PDE3B: variants seen among roughly 807,000 people sequenced by gnomAD.
The protein encoded by PDE3B is cGMP-inhibited 3',5'-cyclic phosphodiesterase 3B.
In PDE3B, 66 loss-of-function variants were observed where a neutral mutation model predicts 116.8. That is an observed-to-expected ratio of 0.56 (90% confidence interval 0.46 to 0.69). The LOEUF is 0.69. Among genes scored for constraint, PDE3B ranks in the 30% least tolerant of loss-of-function variants. The pLI is 0.00. For synonymous variants in PDE3B, 595 were observed against 533.6 expected, an observed-to-expected ratio of 1.12 and a Z score of -1.59; for missense variants, 1,384 against 1,368.1, an observed-to-expected ratio of 1.01 and a Z score of -0.18.
At chr11:14,785,859 T>A (rs1858173789) in intron 2 of PDE3B, among the ~76,000 whole-genome samples, 1 of 152,088 alleles carries the variant, frequency 6.6e-6, no homozygotes, top group African/African-American at 2.4e-5. Context: ...TCCATAATAT[T>A]AATAGTAATA....
chr11:14,646,319 C>T (rs1314921582), intron 1 of PDE3B, among the ~76,000 whole-genome samples: 2 of 152,148 alleles, frequency 1.3e-5, no homozygotes, highest in Non-Finnish European at 2.9e-5. Flanking sequence ...GGTTTTATGA[C>T]GTGTTGAACA....
At chr11:14,716,046 C>A in intron 1 of PDE3B, among the ~76,000 whole-genome samples, 1 of 152,142 alleles carries the variant, frequency 6.6e-6, no homozygotes, top group Non-Finnish European at 1.5e-5. Context: ...ACAGTGGGCG[C>A]AGGCCAGTGG....
chr11:14,701,137 C>T (rs568637847), intron 1 of PDE3B, among the ~76,000 whole-genome samples: 2 of 151,514 alleles, frequency 1.3e-5, no homozygotes, highest in African/African-American at 2.4e-5. Context: ...TAATCTTCCC[C>T]CACAAATTTT....
At chr11:14,796,251 A>G (rs1463492442) in intron 4 of PDE3B, among the ~76,000 whole-genome samples, 1 of 152,160 alleles carries the variant, frequency 6.6e-6, no homozygotes, top group Non-Finnish European at 1.5e-5. Context: ...TGTATGTGCC[A>G]CATTTTCTTT....
chr11:14,873,739 A>T (rs1555009397), downstream of PDE3B, among the ~76,000 whole-genome samples: 1 of 152,226 alleles, frequency 6.6e-6, no homozygotes, highest in African/African-American at 2.4e-5. Context: ...TTGGAAGTCT[A>T]CTTTGAGTAT....
rs536252949 is a variant in PDE3B at position 14,861,663 on chromosome 11, C to T, written c.2886+297C>T. On this transcript the variant is annotated intron_variant, in intron 14 of 15. Transcript: ENST00000282096. ...GAGTTTGCAGCAACCTCAATTCTTGCCCCCTCAGAAGAAAGAATTCAACTG... is the reference window on the plus strand; with the variant it reads ...GAGTTTGCAGCAACCTCAATTCTTGTCCCCTCAGAAGAAAGAATTCAACTG... Among the ~76,000 whole-genome samples, 18 of 152,250 alleles carry T rather than the reference C, an allele frequency of 1.2e-4. No individual in the cohort carries two copies. In the South Asian group the frequency reaches 3.5e-3, roughly 30 times the overall value.
intron 1 of PDE3B, among the ~76,000 whole-genome samples, chr11:14,695,532 T>C (rs1855181622): frequency 6.6e-6 from 1 of 152,108 alleles, no homozygotes; most frequent in Non-Finnish European, 1.5e-5. Flanking sequence ...TTATTTTTTT[T>C]AAGTTCTGGG....
chr11:14,663,658 C>T (rs553518413), intron 1 of PDE3B, among the ~76,000 whole-genome samples: 2 of 152,132 alleles, frequency 1.3e-5, no homozygotes, highest in South Asian at 2.1e-4. Flanking sequence ...CAACAAAGAT[C>T]AAAAGAGACA....
At position 14,644,718 on chromosome 11, in the gene PDE3B, C is replaced by G; in HGVS notation, c.643C>G (p.Arg215Gly). ...GLLLTLAHPL[R>G]LRHCVLVLLL... ...GCTGCTGACGCTCGCGCACCCGCTGCGGCTCCGGCACTGCGTTCTGGTGCT... is the reference window on the plus strand; with the variant it reads ...GCTGCTGACGCTCGCGCACCCGCTGGGGCTCCGGCACTGCGTTCTGGTGCT... Residue 215 changes from arginine (R) to glycine (G), a missense_variant, in exon 1 of 16, where the codon CGG becomes GGG. Coordinates refer to ENST00000282096, the MANE Select transcript of PDE3B (RefSeq NM_000922.4). 6.5e-7 allele frequency: 1 copy of G among 1,542,502 alleles called. No individual in the cohort carries two copies. Among genetic ancestry groups the G allele is most frequent in the Non-Finnish European group, 8.7e-7 (1 of 1,146,712 alleles).
intron 1 of PDE3B, among the ~76,000 whole-genome samples, chr11:14,688,126 TC>T (rs1196574608): frequency 9.5e-5 from 13 of 136,528 alleles, no homozygotes; most frequent in Non-Finnish European, 4.8e-5. Context: ...TCTCTCTCTC[TC>T]TCTCTCTCTC....
chr11:14,803,069 C>A (rs1858821092), intron 4 of PDE3B, among the ~76,000 whole-genome samples: 2 of 152,114 alleles, frequency 1.3e-5, no homozygotes, highest in Admixed American at 1.3e-4. Context: ...TCTTTGACAT[C>A]CTTTAGTTAT....
At chr11:14,895,075 G>C in the PDE3B span, among the ~76,000 whole-genome samples, 6 of 152,226 alleles carry the variant, frequency 3.9e-5, no homozygotes, top group African/African-American at 1.4e-4. Context: ...CTGAACCCAA[G>C]CTCCAGGGCT....
At chr11:14,661,485 G>A (rs1275628601) in intron 1 of PDE3B, among the ~76,000 whole-genome samples, 7 of 152,334 alleles carry the variant, frequency 4.6e-5, no homozygotes, top group South Asian at 4.1e-4. Context: ...CACCGTGCAC[G>A]AGCCGAAGCA....
chr11:14,677,959 C>T (rs1230448782), intron 1 of PDE3B, among the ~76,000 whole-genome samples: 1 of 152,130 alleles, frequency 6.6e-6, no homozygotes, highest in Non-Finnish European at 1.5e-5. Context: ...GAGTTTTGGT[C>T]TGTTGCCCAG....
the PDE3B span, chr11:14,887,536 T>C: frequency 1.9e-5 from 17 of 912,920 alleles, no homozygotes; most frequent in Admixed American, 6.2e-5. Flanking sequence ...AGCTTATATA[T>C]TCTTTGATTT....
intron 1 of PDE3B, among the ~76,000 whole-genome samples, chr11:14,708,213 A>G (rs764310795): frequency 7.6e-4 from 115 of 151,960 alleles, no homozygotes; most frequent in Non-Finnish European, 1.3e-3. Context: ...ACTTCCTTCC[A>G]TCTCTCTCTT....
chr11:14,870,884 A>C lies in PDE3B; in HGVS notation c.*1224A>C, dbSNP rs1555008953. 1 of 152,242 alleles carries C rather than the reference A, an allele frequency of 6.6e-6. No individual in the cohort carries two copies. Among genetic ancestry groups the C allele is most frequent in the African/African-American group, 2.4e-5 (1 of 41,460 alleles). 9.4% of individuals were successfully genotyped at this position (152,242 alleles called of 1,614,324 possible). The stretch of plus-strand genomic sequence containing the variant: ...AAGTACATTATTAAATAACCACATT[A>C]TTAAAATAATTGCAAGAAAATGGAC... On this transcript the variant is annotated 3_prime_UTR_variant, in exon 16 of 16. Coordinates refer to ENST00000282096, the MANE Select transcript of PDE3B (RefSeq NM_000922.4). This position sits in a 1 kb window ranked among gnomAD's most constrained non-coding sequence, Gnocchi z 4.1.
intron 1 of PDE3B, among the ~76,000 whole-genome samples, chr11:14,708,100 G>A (rs1315230009): frequency 1.3e-5 from 2 of 152,046 alleles, no homozygotes; most frequent in Admixed American, 6.6e-5. Context: ...AGATATTTGG[G>A]TCATAGGGAT....
chr11:14,671,692 G>T (rs1854372177), intron 1 of PDE3B, among the ~76,000 whole-genome samples: 1 of 152,006 alleles, frequency 6.6e-6, no homozygotes, highest in African/African-American at 2.4e-5. Flanking sequence ...TATCTCAGAT[G>T]ACTTTCTCCC....
Sources: allele counts gnomAD v4.1 joint callset (sites outside exome capture counted in the v4.1 genomes callset), GRCh38; gene constraint gnomAD v4.1.1; non-coding constraint Gnocchi (gnomAD v3.1); transcripts MANE v1.5; gene names NCBI Gene and HGNC (gene_info 2026-07-23, HGNC 2026-07-21).